The following FANCC variants were observed in gnomAD, a reference collection of about 807,000 sequenced individuals.
FANCC encodes Fanconi anemia group C protein.
FANCC carries 55 observed loss-of-function variants against 71.3 expected under a neutral mutation model. The observed-to-expected ratio is 0.77, with a 90% CI of 0.62 to 0.97. The LOEUF is 0.97. Among genes scored for constraint, FANCC ranks in the 50% least tolerant of loss-of-function variants. The pLI, the probability that FANCC is intolerant of heterozygous loss-of-function variation, is 0.00. For missense variants in FANCC, 678 were observed against 670.9 expected (o/e 1.01, Z -0.12); for synonymous variants, 275 against 244.9 (o/e 1.12, Z -1.15).
chr9:95,294,159 G>A (rs1834235300), intron 1 of FANCC: 2 of 1,604,432 alleles, frequency 1.2e-6, no homozygotes, highest in African/African-American at 2.7e-5. Context: ...CTCAGACATT[G>A]GATCATCATA....
At chr9:95,291,667 G>C (rs955166181) in intron 1 of FANCC, among the ~76,000 whole-genome samples, 6 of 152,016 alleles carry the variant, frequency 3.9e-5, no homozygotes, top group Non-Finnish European at 8.8e-5. Flanking sequence ...TTGTATGGAG[G>C]CTGGGCACAG....
At chr9:95,107,396 T>C in intron 13 of FANCC, 127 bp from the exon 14 acceptor site, 1 of 1,019,438 alleles carries the variant, frequency 9.8e-7, no homozygotes, top group Non-Finnish European at 1.5e-6. Context: ...GAGAGGGAGC[T>C]AGGCAGCGGC....
intron 13 of FANCC, among the ~76,000 whole-genome samples, chr9:95,110,049 C>T (rs1278672545): frequency 6.6e-6 from 1 of 152,186 alleles, no homozygotes; most frequent in Non-Finnish European, 1.5e-5. Context: ...GCACCTGTGA[C>T]AGAATGGGGG....
At chr9:95,147,770 A>C (rs1829759409) in intron 7 of FANCC, among the ~76,000 whole-genome samples, 1 of 152,208 alleles carries the variant, frequency 6.6e-6, no homozygotes. Flanking sequence ...CAGAGTCTGA[A>C]GAAAAAAAAT....
chr9:95,116,105 TAAAGGG>T (rs1208751664), intron 11 of FANCC, among the ~76,000 whole-genome samples: 2 of 152,194 alleles, frequency 1.3e-5, no homozygotes, highest in Non-Finnish European at 2.9e-5. Context: ...AACGGAAAGG[TAAAGGG>T]TTGGGCCCAT....
At chr9:95,171,920 TAAAC>T in intron 5 of FANCC, 113 bp downstream of exon 5, 1 of 725,826 alleles carries the variant, frequency 1.4e-6, no homozygotes, top group African/African-American at 1.8e-5. Flanking sequence ...TAAGAAGAGA[TAAAC>T]AAAGAAAAGT....
chr9:95,293,146 G>A, intron 1 of FANCC: 1 of 1,613,002 alleles, frequency 6.2e-7, no homozygotes, highest in Admixed American at 1.7e-5. Flanking sequence ...ACCATCTTTT[G>A]AAGACTCTTG....
At chr9:95,294,709 G>A (rs1236082979) in intron 1 of FANCC, 26 of 1,600,764 alleles carry the variant, frequency 1.6e-5, no homozygotes, top group Middle Eastern at 1.7e-4. Context: ...AACAATGGAC[G>A]ACTTTCTTCT....
In FANCC at chr9:95,249,317, C is replaced by G. The variant is rs1303668688; in HGVS notation, c.-26G>C. 2 of 1,611,630 alleles carry G rather than the reference C, an allele frequency of 1.2e-6. No homozygotes were observed. Among genetic ancestry groups the G allele is most frequent in the Non-Finnish European group, 1.7e-6 (2 of 1,178,246 alleles). ...CTTGGAAAAAGCGAAAAGGTGATGTCCCTTCACAGCAGCCTGTCCAGCACT... is the reference window on the plus strand; with the variant it reads ...CTTGGAAAAAGCGAAAAGGTGATGTGCCTTCACAGCAGCCTGTCCAGCACT... On this transcript the variant is annotated 5_prime_UTR_variant, in exon 2 of 15. Transcript: ENST00000289081.
At chr9:95,199,728 T>A (rs1166550489) in intron 4 of FANCC, among the ~76,000 whole-genome samples, 1 of 152,188 alleles carries the variant, frequency 6.6e-6, no homozygotes, top group Non-Finnish European at 1.5e-5. Context: ...GATGAGTGTT[T>A]ACAGTAGTGA....
rs4647541 is a variant in FANCC, at chr9:95,107,645, G to A, written c.1330-376C>T. On this transcript the variant is annotated intron_variant, in intron 13 of 14. Transcript: ENST00000289081. The stretch of plus-strand genomic sequence containing the variant: ...AGCCACAAATCAATTAAAGCCCCAC[G>A]CAGTCAGACCTCCGCCGAGCCAGTG... The A allele has an allele frequency of 5.2e-3, 2,044 of 389,560 alleles. 35 individuals carry two copies. The highest frequency in any genetic ancestry group is 0.039 in the African/African-American group (1,886 of 48,950). The allele number at this position is 389,560 out of a possible 1,614,324, so 24.1% of individuals were successfully genotyped here. A position where few individuals can be genotyped will look rare whatever the true frequency, so the allele number is the denominator to read the frequency against.
At chr9:95,105,477 G>C (rs2071371612) in intron 14 of FANCC, among the ~76,000 whole-genome samples, 1 of 152,242 alleles carries the variant, frequency 6.6e-6, no homozygotes, top group Non-Finnish European at 1.5e-5. Flanking sequence ...CCCAGAGCCA[G>C]CATGCTGGTG....
intron 4 of FANCC, among the ~76,000 whole-genome samples, chr9:95,210,034 T>TG (rs1197981559): frequency 6.6e-6 from 1 of 152,072 alleles, no homozygotes; most frequent in Non-Finnish European, 1.5e-5. Context: ...CACGACTACA[T>TG]GCACCAACAT....
intron 4 of FANCC, among the ~76,000 whole-genome samples, chr9:95,222,162 CAAAAAAAAAAA>C (rs60764731): frequency 4.2e-5 from 3 of 70,638 alleles, no homozygotes; most frequent in Non-Finnish European, 8.0e-5. Context: ...GGCCCCATCT[CAAAAAAAAAAA>C]AAAAAAAAAA....
At chr9:95,181,159 T>TTGTG (rs10692344) in intron 4 of FANCC, among the ~76,000 whole-genome samples, 24,777 of 148,208 alleles carry the variant, frequency 0.17, 2,107 homozygotes, top group Middle Eastern at 0.24. Context: ...CACGTACACA[T>TTGTG]TGTGTGTGTG....
rs752779283 is a variant in FANCC at position 95,135,426 on chromosome 9, G to A, written c.763C>T (p.Leu255=). The A allele has an allele frequency of 1.2e-6, 2 of 1,613,872 alleles. No individual in the cohort carries two copies. The highest frequency in any genetic ancestry group is 2.2e-5 in the South Asian group (2 of 91,074). The change falls in exon 8 of 15, where the codon CTG becomes TTG. Residue 255 remains leucine, a synonymous_variant. Transcript: ENST00000289081. ...GAGATTAGCTTTTCAAAAAGATGCA[G>A]CATTGCTTTTTCAAGGCTGGGAAGG... ...RHLPSLEKAM[L]HLFEKLISSE...
intron 14 of FANCC, among the ~76,000 whole-genome samples, chr9:95,104,776 T>C (rs911397256): frequency 2.6e-5 from 4 of 152,066 alleles, no homozygotes; most frequent in Non-Finnish European, 4.4e-5. Context: ...CCTTCTCCAC[T>C]CACACGGGCC....
At chr9:95,176,688 A>G (rs953660639) in intron 4 of FANCC, among the ~76,000 whole-genome samples, 7 of 152,284 alleles carry the variant, frequency 4.6e-5, no homozygotes, top group African/African-American at 1.7e-4. Flanking sequence ...ACCCATAAAC[A>G]GGTGGCTACT....
At chr9:95,125,459 G>T (rs1488922905) in intron 9 of FANCC, among the ~76,000 whole-genome samples, 1 of 152,078 alleles carries the variant, frequency 6.6e-6, no homozygotes, top group African/African-American at 2.4e-5. Context: ...TGCATACTCT[G>T]TACAAATATT....
Sources: allele counts gnomAD v4.1 joint callset (sites outside exome capture counted in the v4.1 genomes callset), GRCh38; gene constraint gnomAD v4.1.1; transcripts MANE v1.5; gene names NCBI Gene and HGNC (gene_info 2026-07-23, HGNC 2026-07-21).